The following KCNH1 variants were observed in gnomAD, a reference collection of about 807,000 sequenced individuals.
The protein encoded by KCNH1 is potassium voltage-gated channel subfamily H member 1, also known as voltage-gated delayed rectifier potassium channel KCNH1.
In KCNH1, 27 loss-of-function variants were observed where a neutral mutation model predicts 69.2. The observed-to-expected ratio is 0.39, with a 90% confidence interval of 0.29 to 0.54. KCNH1 has a LOEUF of 0.54. KCNH1 is among the 20% of genes least tolerant of loss of function. KCNH1 has a pLI of 0.68. For synonymous variants in KCNH1, 456 were observed against 487.7 expected (o/e 0.93, Z 0.86); for missense variants, 798 against 1,261.6 (o/e 0.63, Z 5.57).
intron 6 of KCNH1, among the ~76,000 whole-genome samples, chr1:210,978,818 T>G (rs1434365114): frequency 6.6e-6 from 1 of 152,216 alleles, no homozygotes; most frequent in Non-Finnish European, 1.5e-5. Flanking sequence ...GCTTTCATCC[T>G]CTACCAGTGA....
At chr1:210,894,164 G>T (rs1255316952) in intron 7 of KCNH1, among the ~76,000 whole-genome samples, 2 of 152,066 alleles carry the variant, frequency 1.3e-5, no homozygotes, top group Non-Finnish European at 2.9e-5. Context: ...GACTTTTGGG[G>T]TACTGGATAT....
At chr1:210,988,788 C>T (rs1270644676) in intron 6 of KCNH1, among the ~76,000 whole-genome samples, 1 of 152,104 alleles carries the variant, frequency 6.6e-6, no homozygotes, top group Non-Finnish European at 1.5e-5. Context: ...ACAAAGAAAA[C>T]CAGATTCTCT....
At chr1:211,109,819 A>C (rs72741105) in intron 1 of KCNH1, among the ~76,000 whole-genome samples, 3 of 150,416 alleles carry the variant, frequency 2.0e-5, no homozygotes, top group Non-Finnish European at 3.0e-5. Context: ...GAAGAACTTT[A>C]AAAAAAAAAT....
chr1:210,688,544 C>T (rs568472158), intron 10 of KCNH1, among the ~76,000 whole-genome samples: 1 of 152,356 alleles, frequency 6.6e-6, no homozygotes, highest in South Asian at 2.1e-4. Flanking sequence ...CAGGTAACTT[C>T]TCTATGCACC....
intron 2 of KCNH1, among the ~76,000 whole-genome samples, chr1:211,103,901 G>C (rs1691307867): frequency 6.6e-6 from 1 of 152,196 alleles, no homozygotes; most frequent in Non-Finnish European, 1.5e-5. Flanking sequence ...ATGAATTACA[G>C]AACACACAGA....
intron 10 of KCNH1, among the ~76,000 whole-genome samples, chr1:210,772,031 A>G (rs1683762207): frequency 6.6e-6 from 1 of 152,182 alleles, no homozygotes; most frequent in Non-Finnish European, 1.5e-5. Context: ...GGATTTAGGG[A>G]AAAAGGGATG....
chr1:211,054,295 AAAATT>A, intron 5 of KCNH1, among the ~76,000 whole-genome samples: 1 of 152,106 alleles, frequency 6.6e-6, no homozygotes, highest in Non-Finnish European at 1.5e-5. Flanking sequence ...AAAGAAAAAA[AAAATT>A]AAAATTAAAC....
In KCNH1 at chr1:211,111,668, G is replaced by A. The variant is rs183199558; in HGVS notation, c.80-4291C>T. On this transcript the variant is annotated intron_variant, in intron 1 of 10. Transcript: ENST00000271751. ...GAAGTGAGGAGCCCCTAACCTGGCCGCTGCACTGTCTGGGAAGTGAAGAAC... is the reference window on the plus strand; with the variant it reads ...GAAGTGAGGAGCCCCTAACCTGGCCACTGCACTGTCTGGGAAGTGAAGAAC... Among the ~76,000 whole-genome samples the A allele has an allele frequency of 5.6e-3, 794 of 142,698 alleles. 2 individuals carry two copies. Among genetic ancestry groups the A allele is most frequent in the Non-Finnish European group, 9.5e-3 (629 of 65,908 alleles). 93.6% of individuals were successfully genotyped at this position (142,698 alleles called of 152,430 possible). A position where few individuals can be genotyped will look rare whatever the true frequency, so the allele number is the denominator to read the frequency against.
At chr1:210,899,771 G>A (rs940327458) in intron 7 of KCNH1, among the ~76,000 whole-genome samples, 10 of 152,270 alleles carry the variant, frequency 6.6e-5, no homozygotes, top group Non-Finnish European at 1.5e-4. Context: ...TTGCAGATGA[G>A]GAGAATGAGC....
At chr1:210,784,951 G>A (rs1770215) in intron 9 of KCNH1, among the ~76,000 whole-genome samples, 92,443 of 152,008 alleles carry the variant, frequency 0.61, 28,590 homozygotes, top group African/African-American at 0.65. Context: ...TCTCCACGCA[G>A]TTCAGCCCAG....
intron 6 of KCNH1, among the ~76,000 whole-genome samples, chr1:210,989,178 T>G (rs570092323): frequency 6.6e-6 from 1 of 152,338 alleles, no homozygotes; most frequent in African/African-American, 2.4e-5. Flanking sequence ...TTTTGTGCTT[T>G]TTCAATGCAT....
At chr1:211,066,038 A>G (rs1364386476) in intron 5 of KCNH1, among the ~76,000 whole-genome samples, 2 of 152,204 alleles carry the variant, frequency 1.3e-5, no homozygotes, top group African/African-American at 4.8e-5. Context: ...TAGCCTGGGC[A>G]GCAGAGTGAG....
chr1:211,004,213 G>A (rs902090419), intron 6 of KCNH1, among the ~76,000 whole-genome samples: 6 of 152,104 alleles, frequency 3.9e-5, no homozygotes, highest in Non-Finnish European at 7.4e-5. Flanking sequence ...TATGAGAATT[G>A]GTCACCAGCA....
chr1:210,753,915 T>A (rs1683336287), intron 10 of KCNH1, among the ~76,000 whole-genome samples: 1 of 151,724 alleles, frequency 6.6e-6, no homozygotes, highest in South Asian at 2.1e-4. Context: ...ACTAATTTTT[T>A]TTTTTTTTTT....
intron 5 of KCNH1, among the ~76,000 whole-genome samples, chr1:211,024,472 GAGA>G (rs1317854566): frequency 2.6e-5 from 4 of 152,192 alleles, no homozygotes; most frequent in African/African-American, 7.2e-5. Context: ...GGAGGCGAGG[GAGA>G]AGATGCTAGA....
intron 6 of KCNH1, among the ~76,000 whole-genome samples, chr1:210,947,661 C>T (rs1424887327): frequency 3.3e-5 from 5 of 151,518 alleles, no homozygotes; most frequent in African/African-American, 1.2e-4. Flanking sequence ...CACTGAGATA[C>T]ACCACTGGTA....
intron 9 of KCNH1, among the ~76,000 whole-genome samples, chr1:210,789,584 T>C (rs1011072612): frequency 3.3e-5 from 5 of 152,252 alleles, no homozygotes; most frequent in African/African-American, 1.2e-4. Flanking sequence ...TTTGAAATAA[T>C]GTTGACTCTC....
intron 7 of KCNH1, among the ~76,000 whole-genome samples, chr1:210,916,464 GT>G (rs1327420924): frequency 6.6e-6 from 1 of 152,122 alleles, no homozygotes; most frequent in Non-Finnish European, 1.5e-5. Context: ...CAAAGAAAAA[GT>G]TTCCACTGCA....
At chr1:210,695,835 C>G (rs1681627826) in intron 10 of KCNH1, among the ~76,000 whole-genome samples, 1 of 152,242 alleles carries the variant, frequency 6.6e-6, no homozygotes, top group Admixed American at 6.5e-5. Context: ...CAAGTCCACC[C>G]TCCACACTCC....
Sources: gnomAD v4.1 joint callset for allele counts (sites outside exome capture counted in the v4.1 genomes callset) on GRCh38, gnomAD v4.1.1 for gene constraint, MANE v1.5 for transcripts, NCBI Gene and HGNC (gene_info 2026-07-23, HGNC 2026-07-21) for gene names.